Variants in NKAIN2 observed in about 807,000 individuals in gnomAD.
NKAIN2 encodes sodium/potassium-transporting ATPase subunit beta-1-interacting protein 2.
NKAIN2 carries 14 observed loss-of-function variants against 32.6 expected under a neutral mutation model. The observed-to-expected ratio is 0.43, with a 90% CI of 0.28 to 0.67. The LOEUF (loss-of-function observed/expected upper bound fraction) is 0.67, where lower values mean the gene tolerates loss of function less well. Among genes scored for constraint, NKAIN2 ranks in the 30% least tolerant of loss-of-function variants. The probability of loss-of-function intolerance (pLI) is 0.17; values close to 1 mark genes in which losing one functional copy is unlikely to be tolerated. For synonymous variants in NKAIN2, 80 were observed against 87.2 expected, an observed-to-expected ratio of 0.92 and a Z score of 0.46; for missense variants, 198 against 258.3, an observed-to-expected ratio of 0.77 and a Z score of 1.60.
chr6:124,277,591 G>C (rs529746562), intron 1 of NKAIN2, among the ~76,000 whole-genome samples: 19 of 152,110 alleles, frequency 1.2e-4, no homozygotes, highest in Admixed American at 1.2e-3. Context: ...ATTAACTTTT[G>C]ACAAGTTTGT....
chr6:124,225,566 T>C (rs1254747552), intron 1 of NKAIN2, among the ~76,000 whole-genome samples: 1 of 152,012 alleles, frequency 6.6e-6, no homozygotes, highest in Non-Finnish European at 1.5e-5. Flanking sequence ...AACTTGTAAT[T>C]TGGAAATGTT....
chr6:123,998,743 C>G (rs7453279), intron 1 of NKAIN2, among the ~76,000 whole-genome samples: 58,416 of 133,694 alleles, frequency 0.44, 12,973 homozygotes, highest in East Asian at 0.62. Context: ...CTCTCTCTCT[C>G]TGTGTGTGTG....
In NKAIN2 at chr6:124,792,282, A is replaced by T. The variant is rs1320810915; in HGVS notation, c.535+883A>T. Among the ~76,000 whole-genome samples, 10 of 152,270 alleles carry T rather than the reference A, an allele frequency of 6.6e-5. No individual in the cohort carries two copies. The East Asian group carries it at 1.2e-3, about 18-fold the overall frequency. On this transcript the variant is annotated intron_variant, in intron 5 of 6. Coordinates refer to ENST00000368417, the MANE Select transcript of NKAIN2 (RefSeq NM_001040214.3). ...GAGAATATGGTGATTTGAGGGAAACATCCAAAGATAAATATCTGTTTCTTC... is the reference window on the plus strand; with the variant it reads ...GAGAATATGGTGATTTGAGGGAAACTTCCAAAGATAAATATCTGTTTCTTC...
At chr6:124,556,322 A>C (rs540565014) in intron 3 of NKAIN2, among the ~76,000 whole-genome samples, 54 of 152,278 alleles carry the variant, frequency 3.5e-4, no homozygotes, top group South Asian at 6.2e-4. Flanking sequence ...CTGTGGTTTA[A>C]ATGTCTCTTC....
rs118070359 is a variant in NKAIN2, at chr6:124,236,470, T to A, written c.55-46535T>A. Among the ~76,000 whole-genome samples the A allele has an allele frequency of 6.7e-3, 1,025 of 152,234 alleles. 5 individuals carry two copies. The highest frequency in any genetic ancestry group is 8.8e-3 in the Non-Finnish European group (599 of 68,018). On this transcript the variant is annotated intron_variant, in intron 1 of 6. Coordinates refer to ENST00000368417, the MANE Select transcript of NKAIN2 (RefSeq NM_001040214.3). ...CAAGTTGTGGGAACAATATGAGTGATGATATTGAGTATGGATAGCACTGAA... is the reference window on the plus strand; with the variant it reads ...CAAGTTGTGGGAACAATATGAGTGAAGATATTGAGTATGGATAGCACTGAA...
At chr6:124,467,745 T>G (rs1776819247) in intron 3 of NKAIN2, among the ~76,000 whole-genome samples, 1 of 152,250 alleles carries the variant, frequency 6.6e-6, no homozygotes, top group Admixed American at 6.5e-5. Context: ...CTGGTACAAA[T>G]AAAACATCAA....
intron 1 of NKAIN2, among the ~76,000 whole-genome samples, chr6:123,880,757 G>A (rs1460022827): frequency 1.3e-5 from 2 of 152,028 alleles, no homozygotes; most frequent in African/African-American, 4.8e-5. Flanking sequence ...TGTAATGCAA[G>A]GTTGAAGTAA....
intron 3 of NKAIN2, among the ~76,000 whole-genome samples, chr6:124,384,019 G>A (rs1772771437): frequency 6.6e-6 from 1 of 152,046 alleles, no homozygotes; most frequent in Admixed American, 6.6e-5. Context: ...CTTAGCTATG[G>A]GCTCATATAG....
intron 3 of NKAIN2, among the ~76,000 whole-genome samples, chr6:124,440,974 T>A (rs529763359): frequency 6.6e-6 from 1 of 152,212 alleles, no homozygotes; most frequent in African/African-American, 2.4e-5. Context: ...GGACACACAG[T>A]GCCATATACT....
At chr6:124,785,074 A>G (rs1301067115) in intron 4 of NKAIN2, among the ~76,000 whole-genome samples, 1 of 152,036 alleles carries the variant, frequency 6.6e-6, no homozygotes, top group Non-Finnish European at 1.5e-5. Context: ...TGGGGGAAAA[A>G]AAAGTTAGGT....
At chr6:124,333,912 AT>A (rs1797765346) in intron 2 of NKAIN2, among the ~76,000 whole-genome samples, 1 of 152,172 alleles carries the variant, frequency 6.6e-6, no homozygotes, top group Non-Finnish European at 1.5e-5. Flanking sequence ...CATAGCCAAA[AT>A]ATGCATAACT....
rs951287398 is a variant in NKAIN2 at position 124,355,172 on chromosome 6, T to C, written c.193-95T>C. 4.9e-5 allele frequency: 35 copies of C among 721,506 alleles called. 1 individual carries two copies. The South Asian group carries it at 6.0e-4, about 12-fold the overall frequency. The allele number at this position is 721,506 out of a possible 1,614,324, so 44.7% of individuals were successfully genotyped here. On this transcript the variant is annotated intron_variant, in intron 2 of 6. Transcript: ENST00000368417. The stretch of plus-strand genomic sequence containing the variant: ...AGCAATATTTAACCTTTCCCACTAA[T>C]CTTATATTAGGGTGTGCGAAAGTTC...
At chr6:123,848,374 A>G (rs1204086165) in intron 1 of NKAIN2, among the ~76,000 whole-genome samples, 5 of 152,212 alleles carry the variant, frequency 3.3e-5, no homozygotes, top group Non-Finnish European at 1.5e-5. Flanking sequence ...TGTAGTTTCC[A>G]TAATCCCCAT....
At chr6:123,822,926 T>C (rs1931216) in intron 1 of NKAIN2, among the ~76,000 whole-genome samples, 89,760 of 152,120 alleles carry the variant, frequency 0.59, 31,363 homozygotes, top group Non-Finnish European at 0.79. Context: ...TTTTTGACAT[T>C]ATGAAGAGTT....
At chr6:124,171,023 T>A (rs1468274104) in intron 1 of NKAIN2, among the ~76,000 whole-genome samples, 8 of 152,196 alleles carry the variant, frequency 5.3e-5, no homozygotes, top group Non-Finnish European at 7.4e-5. Flanking sequence ...CAAATTTTCA[T>A]AATTGTGAAG....
At chr6:124,121,384 T>C (rs1785872317) in intron 1 of NKAIN2, among the ~76,000 whole-genome samples, 1 of 152,046 alleles carries the variant, frequency 6.6e-6, no homozygotes, top group Admixed American at 6.6e-5. Flanking sequence ...GATTATACTA[T>C]GTAAGTATAT....
At chr6:123,851,558 A>AT (rs35813792) in intron 1 of NKAIN2, among the ~76,000 whole-genome samples, 6 of 151,786 alleles carry the variant, frequency 4.0e-5, no homozygotes, top group Non-Finnish European at 5.9e-5. Flanking sequence ...GCTGTTTTTT[A>AT]TTTTTTGAGG....
intron 1 of NKAIN2, among the ~76,000 whole-genome samples, chr6:123,913,947 A>G (rs1775351327): frequency 2.0e-5 from 3 of 152,188 alleles, no homozygotes; most frequent in Admixed American, 6.6e-5. Flanking sequence ...AATATTTACT[A>G]TGTGCCTGGT....
At chr6:124,309,627 A>G (rs1796639074) in intron 2 of NKAIN2, among the ~76,000 whole-genome samples, 3 of 152,094 alleles carry the variant, frequency 2.0e-5, no homozygotes, top group Admixed American at 2.0e-4. Context: ...ATTTTCAACC[A>G]AGAACCTTAC....
Sources: allele counts gnomAD v4.1 joint callset (sites outside exome capture counted in the v4.1 genomes callset), GRCh38; gene constraint gnomAD v4.1.1; transcripts MANE v1.5; gene names NCBI Gene and HGNC (gene_info 2026-07-23, HGNC 2026-07-21).